The following MACROD2 variants were observed in gnomAD, a reference collection of about 807,000 sequenced individuals.
MACROD2 encodes ADP-ribose glycohydrolase MACROD2.
A neutral mutation model predicts 70.4 loss-of-function variants in MACROD2; 36 were observed. That is an observed-to-expected ratio of 0.51 (90% CI 0.39 to 0.68). MACROD2 has a LOEUF of 0.68. Among genes scored for constraint, MACROD2 ranks in the 30% least tolerant of loss-of-function variants. The pLI is 0.00. For missense variants in MACROD2, 496 were observed against 538.4 expected, an observed-to-expected ratio of 0.92 and a Z score of 0.78; for synonymous variants, 172 against 178.8, an observed-to-expected ratio of 0.96 and a Z score of 0.30.
intron 2 of MACROD2, among the ~76,000 whole-genome samples, chr20:14,037,462 A>G (rs190615931): frequency 6.6e-6 from 1 of 152,350 alleles, no homozygotes; most frequent in East Asian, 1.9e-4. Flanking sequence ...AGTTATAAAC[A>G]GATACCAATA....
chr20:15,590,236 G>T (rs1437731410), intron 8 of MACROD2, among the ~76,000 whole-genome samples: 1 of 152,162 alleles, frequency 6.6e-6, no homozygotes, highest in African/African-American at 2.4e-5. Context: ...ACGCCAGGTA[G>T]CATGCTAGAC....
intron 5 of MACROD2, among the ~76,000 whole-genome samples, chr20:14,833,698 A>G (rs1212151169): frequency 6.6e-6 from 1 of 152,064 alleles, no homozygotes; most frequent in African/African-American, 2.4e-5. Context: ...CCTCATTAGT[A>G]TGTAGTATTT....
intron 4 of MACROD2, among the ~76,000 whole-genome samples, chr20:14,552,314 CTA>C (rs763871127): frequency 4.2e-5 from 4 of 94,892 alleles, no homozygotes; most frequent in Non-Finnish European, 5.6e-5. Flanking sequence ...ATTCATATCT[CTA>C]TGTGGGGGTG....
chr20:15,544,785 A>G (rs1338302192), intron 8 of MACROD2, among the ~76,000 whole-genome samples: 4 of 152,206 alleles, frequency 2.6e-5, no homozygotes, highest in African/African-American at 7.2e-5. Context: ...CTGGAAGTGA[A>G]AAAGTCAACC....
chr20:14,184,710 G>A (rs2081331300), intron 3 of MACROD2, among the ~76,000 whole-genome samples: 1 of 151,972 alleles, frequency 6.6e-6, no homozygotes, highest in Admixed American at 6.6e-5. Context: ...TTTGAGCAGT[G>A]GTTTGTAGTT....
chr20:15,681,405 C>T (rs940501871), intron 8 of MACROD2, among the ~76,000 whole-genome samples: 1 of 152,200 alleles, frequency 6.6e-6, no homozygotes, highest in South Asian at 2.1e-4. Context: ...CAGAAAAGAT[C>T]ACCCCCATCC....
At chr20:14,836,299 T>A (rs775802856) in intron 5 of MACROD2, among the ~76,000 whole-genome samples, 1 of 152,064 alleles carries the variant, frequency 6.6e-6, no homozygotes, top group Non-Finnish European at 1.5e-5. Flanking sequence ...GATCTGGGAA[T>A]AGTTTGTATT....
At chr20:15,721,029 A>G (rs1040956059) in intron 8 of MACROD2, among the ~76,000 whole-genome samples, 3 of 152,212 alleles carry the variant, frequency 2.0e-5, no homozygotes, top group South Asian at 4.1e-4. Context: ...TCCAAAATCC[A>G]GAAAATATTT....
intron 4 of MACROD2, among the ~76,000 whole-genome samples, chr20:14,670,441 T>G (rs116989818): frequency 3.9e-5 from 6 of 152,304 alleles, no homozygotes; most frequent in Non-Finnish European, 8.8e-5. Context: ...AGTGGTGTGG[T>G]CAGTTCTCCT....
intron 8 of MACROD2, among the ~76,000 whole-genome samples, chr20:15,750,039 A>G (rs1418477294): frequency 6.6e-6 from 1 of 152,144 alleles, no homozygotes; most frequent in Non-Finnish European, 1.5e-5. Flanking sequence ...TTCACAGCAA[A>G]GGAAAAACAG....
intron 5 of MACROD2, among the ~76,000 whole-genome samples, chr20:14,733,662 A>G (rs373319234): frequency 1.3e-5 from 2 of 152,202 alleles, no homozygotes; most frequent in African/African-American, 4.8e-5. Context: ...TGCATTTTAC[A>G]TTTGTTTCTC....
At chr20:14,897,268 G>T (rs1050897335) in intron 5 of MACROD2, among the ~76,000 whole-genome samples, 1 of 152,040 alleles carries the variant, frequency 6.6e-6, no homozygotes, top group Non-Finnish European at 1.5e-5. Context: ...TTGAAGGTGG[G>T]TGTCTAATGT....
At position 14,090,727 on chromosome 20, in the gene MACROD2, C is replaced by T. The variant is rs570156915; in HGVS notation, c.271+4999C>T. On this transcript the variant is annotated intron_variant, in intron 3 of 17. Transcript: ENST00000684519. ...ATCAATAATGCTGCAGTGAACATGG[C>T]AGTACCGATATCCCTTTGACATACT... 3.3e-5 allele frequency among the ~76,000 whole-genome samples: 5 copies of T among 152,246 alleles called. No individual in the cohort carries two copies. The South Asian group carries it at 8.3e-4, about 25-fold the overall frequency.
At chr20:14,085,144 C>T (rs770202068) in intron 2 of MACROD2, among the ~76,000 whole-genome samples, 2 of 125,508 alleles carry the variant, frequency 1.6e-5, no homozygotes, top group Non-Finnish European at 1.7e-5. Context: ...CCAGCCTGGG[C>T]GATAGAGTGA....
chr20:14,669,096 C>T (rs1289516606), intron 4 of MACROD2, among the ~76,000 whole-genome samples: 3 of 152,076 alleles, frequency 2.0e-5, no homozygotes, highest in Non-Finnish European at 4.4e-5. Context: ...ACAATCATTC[C>T]TTAAAGCTCC....
chr20:15,101,481 A>AGGT (rs1169062365), intron 5 of MACROD2, among the ~76,000 whole-genome samples: 1 of 131,932 alleles, frequency 7.6e-6, no homozygotes, highest in Non-Finnish European at 1.5e-5. Context: ...ATTATAGCTT[A>AGGT]GGTTGATTAT....
At chr20:14,623,488 G>A (rs2123457560) in intron 4 of MACROD2, among the ~76,000 whole-genome samples, 1 of 152,260 alleles carries the variant, frequency 6.6e-6, no homozygotes, top group South Asian at 2.1e-4. Flanking sequence ...AATGATTCTT[G>A]AAAGCTTGGT....
At chr20:15,396,366 A>G (rs1263872247) in intron 6 of MACROD2, among the ~76,000 whole-genome samples, 1 of 152,196 alleles carries the variant, frequency 6.6e-6, no homozygotes, top group Non-Finnish European at 1.5e-5. Flanking sequence ...CATAGCTAAG[A>G]GGGGCTACAT....
intron 6 of MACROD2, among the ~76,000 whole-genome samples, chr20:15,414,579 G>C (rs994590115): frequency 6.6e-6 from 1 of 152,180 alleles, no homozygotes; most frequent in African/African-American, 2.4e-5. Flanking sequence ...GAGGAGTTAG[G>C]TATTTAAAAA....
Sources: gnomAD v4.1 joint callset for allele counts (sites outside exome capture counted in the v4.1 genomes callset) on GRCh38, gnomAD v4.1.1 for gene constraint, MANE v1.5 for transcripts, NCBI Gene and HGNC (gene_info 2026-07-23, HGNC 2026-07-21) for gene names.